CD72: variants seen among roughly 807,000 people sequenced by gnomAD.
CD72 encodes the protein B-cell differentiation antigen CD72.
In CD72, 28 loss-of-function variants were observed where a neutral mutation model predicts 50.7. That is an observed-to-expected ratio of 0.55 (90% confidence interval 0.41 to 0.76). The LOEUF is 0.76. CD72 is among the 30% of genes least tolerant of loss of function. The probability of loss-of-function intolerance (pLI) is 0.00; values close to 1 mark genes in which losing one functional copy is unlikely to be tolerated. For synonymous variants in CD72, 176 were observed against 171.2 expected (o/e 1.03, Z -0.22); for missense variants, 403 against 420.6 (o/e 0.96, Z 0.37).
Position 35,616,703 on chromosome 9 carries a change from T to C in CD72, c.263-14A>G, listed in dbSNP as rs377262881. ...AGGTTGTGCGGCCTTAGGGGGACAG[T>C]GGGATGGATGAGGGCAGTCAGCCCC... On this transcript the variant is annotated splice_polypyrimidine_tract_variant and intron_variant, in intron 3 of 8. Coordinates refer to ENST00000259633, the MANE Select transcript of CD72 (RefSeq NM_001782.3). 6.0e-5 allele frequency: 96 copies of C among 1,603,414 alleles called. No homozygotes were observed. In the African/African-American group the frequency reaches 9.2e-4, roughly 15 times the overall value.
chr9:35,627,820 T>C (rs1418809847), intron 1 of CD72, among the ~76,000 whole-genome samples: 1 of 151,856 alleles, frequency 6.6e-6, no homozygotes, highest in African/African-American at 2.4e-5. Context: ...CTATGATAAG[T>C]TTTTGTACCT....
At chr9:35,619,842 C>T (rs1006941223), upstream of CD72, among the ~76,000 whole-genome samples, 3 of 152,108 alleles carry the variant, frequency 2.0e-5, no homozygotes, top group Admixed American at 2.0e-4. Flanking sequence ...TCAGAAAAGT[C>T]GTCAAAGGTC....
Position 35,610,063 on chromosome 9 carries a change from A to C in CD72, c.*260T>G. On this transcript the variant is annotated 3_prime_UTR_variant, in exon 9 of 9. Coordinates refer to ENST00000259633, the MANE Select transcript of CD72 (RefSeq NM_001782.3). ...CTCAGCCCGTGCGCCCTCCTCCCCC[A>C]CCCCATTCTACCATGGGAAGTTCTT... 3 of 287,032 alleles carry C rather than the reference A, an allele frequency of 1.0e-5. No individual in the cohort carries two copies. Among genetic ancestry groups the C allele is most frequent in the Non-Finnish European group, 1.9e-5 (3 of 155,040 alleles). 17.8% of individuals were successfully genotyped at this position (287,032 alleles called of 1,614,324 possible).
intron 1 of CD72, 47 bp downstream of exon 1, chr9:35,618,175 G>A: frequency 6.2e-7 from 1 of 1,605,986 alleles, no homozygotes; most frequent in Non-Finnish European, 8.5e-7. Context: ...GATCTGTGGG[G>A]CGGGAAGTGG....
At chr9:35,619,931 T>G (rs1480037906), upstream of CD72, among the ~76,000 whole-genome samples, 1 of 152,146 alleles carries the variant, frequency 6.6e-6, no homozygotes, top group Non-Finnish European at 1.5e-5. Flanking sequence ...TAACTGTCCT[T>G]GCTTGATTAA....
intron 1 of CD72, among the ~76,000 whole-genome samples, chr9:35,636,598 G>C (rs1823291776): frequency 6.6e-6 from 1 of 152,228 alleles, no homozygotes; most frequent in Admixed American, 6.5e-5. Context: ...CAGGGCCAAA[G>C]ATGGAGAGAC....
chr9:35,637,594 T>C (rs576065622), intron 1 of CD72, among the ~76,000 whole-genome samples: 3 of 152,300 alleles, frequency 2.0e-5, no homozygotes, highest in Admixed American at 6.5e-5. Flanking sequence ...CTTTTTCCTC[T>C]CTAGTAGAGA....
intron 4 of CD72, 35 bp downstream of exon 4, chr9:35,616,565 C>T: frequency 6.5e-7 from 1 of 1,529,760 alleles, no homozygotes; most frequent in South Asian, 1.1e-5. Context: ...GAAAGTCGTT[C>T]GGTGTAAGTG....
chr9:35,610,832 A>G (rs1822969544), intron 7 of CD72, 79 bp from the exon 8 acceptor site: 35 of 1,224,966 alleles, frequency 2.9e-5, no homozygotes, highest in Non-Finnish European at 4.0e-5. Flanking sequence ...CCTGTATAAA[A>G]CCTAAATCCT....
At chr9:35,617,079 C>G in intron 3 of CD72, 97 bp downstream of exon 3, 1 of 1,515,676 alleles carries the variant, frequency 6.6e-7, no homozygotes, top group Non-Finnish European at 8.8e-7. Flanking sequence ...CCGGGTTTAT[C>G]CCGGAAGGAG....
At chr9:35,616,435 G>A in intron 4 of CD72, 157 bp from the exon 5 acceptor site, 1 of 832,220 alleles carries the variant, frequency 1.2e-6, no homozygotes. Flanking sequence ...TACTGGATTA[G>A]GTGAGGACAA....
In CD72 at chr9:35,616,608, C is replaced by G. The variant is rs764608244; in HGVS notation, c.344G>C (p.Gly115Ala). ...GGGACAGCCTTACTCACAGCGCACT[C>G]CCAGGCAGATGGCGGTCACTCCTAA... ...LLLGVTAICL[G>A]VRYLQVSQQL... Residue 115 changes from glycine (G) to alanine (A), a missense_variant, in exon 4 of 9, where the codon GGA becomes GCA. Gly to Ala is a moderately conservative substitution (Grantham distance 60, BLOSUM62 0). Coordinates refer to ENST00000259633, the MANE Select transcript of CD72 (RefSeq NM_001782.3). 1.2e-6 allele frequency: 2 copies of G among 1,613,434 alleles called. No homozygotes were observed. Among genetic ancestry groups the G allele is most frequent in the Non-Finnish European group, 1.7e-6 (2 of 1,179,554 alleles).
intron 1 of CD72, among the ~76,000 whole-genome samples, chr9:35,624,741 C>T (rs1008665276): frequency 6.6e-6 from 1 of 152,170 alleles, no homozygotes; most frequent in Non-Finnish European, 1.5e-5. Context: ...TCCAACAGCA[C>T]GTGCTCACTT....
upstream of CD72, among the ~76,000 whole-genome samples, chr9:35,624,227 A>AATAATG (rs1823174551): frequency 7.9e-6 from 1 of 126,660 alleles, no homozygotes; most frequent in African/African-American, 3.5e-5. Flanking sequence ...TAATAATAAT[A>AATAATG]ATAATAATAA....
intron 8 of CD72, 71 bp from the exon 9 acceptor site, chr9:35,610,371 C>T (rs909359591): frequency 4.6e-6 from 2 of 430,662 alleles, no homozygotes; most frequent in African/African-American, 2.0e-5. Flanking sequence ...ACCCCATCTC[C>T]TCCTCAGCTC....
chr9:35,628,697 T>TC (rs1462454457), intron 1 of CD72, among the ~76,000 whole-genome samples: 2 of 152,018 alleles, frequency 1.3e-5, no homozygotes, highest in Admixed American at 6.6e-5. Context: ...AATCCATGCC[T>TC]CCCCCTGTAA....
chr9:35,618,567 G>T (rs1282468406), upstream of CD72: 4 of 772,234 alleles, frequency 5.2e-6, no homozygotes, highest in Non-Finnish European at 8.4e-6. Context: ...CAGGGGTAGG[G>T]GATGGGCCTG....
Position 35,616,063 on chromosome 9 carries a change from C to T in CD72, c.568G>A (p.Ala190Thr), listed in dbSNP as rs1415126934. Residue 190 changes from alanine (A) to threonine (T), a missense_variant, in exon 5 of 9, where the codon GCA (alanine) becomes ACA (threonine). By Grantham distance (58) the Ala-to-Thr change is moderately conservative. Transcript: ENST00000259633. ...GTCTCCTTCGTCTTCTGTCTGTCTG[C>T]CTGGCAGGCCTGTAGCTGCCCTTCG... Reference protein sequence around the residue: ...AAEGQLQACQADRQKTKETLQ... With the variant: ...AAEGQLQACQTDRQKTKETLQ... 1 of 1,614,054 alleles carries T rather than the reference C, an allele frequency of 6.2e-7. No homozygotes were observed. The highest frequency in any genetic ancestry group is 8.5e-7 in the Non-Finnish European group (1 of 1,180,044).
intron 1 of CD72, among the ~76,000 whole-genome samples, chr9:35,645,782 C>A (rs3138087): frequency 0.41 from 61,767 of 151,940 alleles, 13,291 homozygotes; most frequent in Non-Finnish European, 0.47. Flanking sequence ...TTAAACCCAT[C>A]TTTGAGAGAC....
Sources: gnomAD v4.1 joint callset for allele counts (sites outside exome capture counted in the v4.1 genomes callset) on GRCh38, gnomAD v4.1.1 for gene constraint, MANE v1.5 for transcripts, NCBI Gene and HGNC (gene_info 2026-07-23, HGNC 2026-07-21) for gene names.